Variants in CTNNA3 observed in about 807,000 individuals in gnomAD.
The protein encoded by CTNNA3 is catenin alpha 3, also known as catenin alpha-3.
Under a neutral mutation model 95.7 loss-of-function variants are expected in CTNNA3, and 76 were observed. That is an observed-to-expected ratio of 0.79 (90% confidence interval 0.66 to 0.96). The LOEUF (loss-of-function observed/expected upper bound fraction) is 0.96. Among genes scored for constraint, CTNNA3 ranks in the 40% least tolerant of loss-of-function variants. The probability of loss-of-function intolerance (pLI) is 0.00; values close to 1 mark genes in which losing one functional copy is unlikely to be tolerated. For synonymous variants in CTNNA3, 431 were observed against 374.4 expected, an observed-to-expected ratio of 1.15 and a Z score of -1.74; for missense variants, 1,191 against 1,089.8, an observed-to-expected ratio of 1.09 and a Z score of -1.31.
intron 13 of CTNNA3, among the ~76,000 whole-genome samples, chr10:66,197,336 C>CTCTATCTA (rs200815679): frequency 0.075 from 11,090 of 148,092 alleles, 453 homozygotes; most frequent in East Asian, 0.12. Flanking sequence ...CAATCCAAAT[C>CTCTATCTA]TCTATCTATC....
chr10:66,635,374 T>C (rs1239261923), intron 9 of CTNNA3, among the ~76,000 whole-genome samples: 1 of 152,096 alleles, frequency 6.6e-6, no homozygotes, highest in Non-Finnish European at 1.5e-5. Context: ...ATTAATAGGA[T>C]CATTGTGGAA....
rs1375681340 is a variant in CTNNA3 at position 66,432,657 on chromosome 10, T to A, written c.1532-53305A>T. 2.4e-5 allele frequency among the ~76,000 whole-genome samples: 3 copies of A among 123,586 alleles called. No homozygotes were observed. The Admixed American group carries it at 2.6e-4, about 11-fold the overall frequency. 81.1% of individuals were successfully genotyped at this position (123,586 alleles called of 152,430 possible). A position where few individuals can be genotyped will look rare whatever the true frequency, so the allele number is the denominator to read the frequency against. On this transcript the variant is annotated intron_variant, in intron 11 of 17. Transcript: ENST00000433211. ...GCCTGGGTGACAGAGCGAGACCATC[T>A]CACAGAAAAAAAAAAAAAAAAAGTT...
intron 1 of CTNNA3, among the ~76,000 whole-genome samples, chr10:67,658,172 T>G (rs895489148): frequency 6.6e-6 from 1 of 152,230 alleles, no homozygotes; most frequent in African/African-American, 2.4e-5. Flanking sequence ...CTCTGTTCCC[T>G]GCTCGCTGGT....
At chr10:66,159,091 A>T (rs2084703324) in intron 13 of CTNNA3, among the ~76,000 whole-genome samples, 1 of 151,972 alleles carries the variant, frequency 6.6e-6, no homozygotes, top group South Asian at 2.1e-4. Context: ...GTAAATGATC[A>T]TGTCATCAGC....
chr10:67,043,051 A>G (rs1854503163), intron 7 of CTNNA3, among the ~76,000 whole-genome samples: 1 of 152,128 alleles, frequency 6.6e-6, no homozygotes, highest in South Asian at 2.1e-4. Flanking sequence ...AGGAGGAAGC[A>G]AGTCAGGAAA....
At chr10:66,350,856 C>T (rs2092561783) in intron 12 of CTNNA3, among the ~76,000 whole-genome samples, 1 of 151,934 alleles carries the variant, frequency 6.6e-6, no homozygotes, top group Admixed American at 6.6e-5. Flanking sequence ...CAAACAAAGC[C>T]TTGTCTATCC....
chr10:66,676,776 C>T (rs1479494744), intron 9 of CTNNA3, among the ~76,000 whole-genome samples: 2 of 152,066 alleles, frequency 1.3e-5, no homozygotes, highest in African/African-American at 4.8e-5. Context: ...AAAAAGCAAG[C>T]TACAGCAAGA....
chr10:66,485,596 C>T (rs1839698160), intron 11 of CTNNA3, among the ~76,000 whole-genome samples: 1 of 151,852 alleles, frequency 6.6e-6, no homozygotes, highest in South Asian at 2.1e-4. Context: ...TTGAAAAAGA[C>T]ACAAATAAAT....
chr10:66,140,625 T>G (rs2133876755), intron 13 of CTNNA3, among the ~76,000 whole-genome samples: 1 of 152,346 alleles, frequency 6.6e-6, no homozygotes, highest in Admixed American at 6.5e-5. Context: ...TGGTCACTGT[T>G]GAACAACATA....
chr10:66,728,268 C>A (rs570298274), intron 9 of CTNNA3, among the ~76,000 whole-genome samples: 1 of 152,256 alleles, frequency 6.6e-6, no homozygotes, highest in African/African-American at 2.4e-5. Flanking sequence ...GACACTGATA[C>A]CTGTAAGACC....
At chr10:67,233,171 T>G (rs1355766595) in intron 5 of CTNNA3, among the ~76,000 whole-genome samples, 4 of 152,202 alleles carry the variant, frequency 2.6e-5, no homozygotes, top group African/African-American at 9.7e-5. Context: ...CTAATAGACA[T>G]CTACAGAACT....
intron 13 of CTNNA3, among the ~76,000 whole-genome samples, chr10:66,268,253 C>G (rs2132122060): frequency 6.6e-6 from 1 of 152,228 alleles, no homozygotes; most frequent in Non-Finnish European, 1.5e-5. Context: ...GTTCGTGTCT[C>G]CTCTCCTTTG....
At chr10:66,317,363 C>T (rs750295786) in intron 12 of CTNNA3, among the ~76,000 whole-genome samples, 3 of 151,964 alleles carry the variant, frequency 2.0e-5, no homozygotes, top group African/African-American at 7.2e-5. Flanking sequence ...ATACAGTTTT[C>T]GTAGAAATAC....
chr10:65,921,207 CA>C (rs2077081255), intron 17 of CTNNA3, among the ~76,000 whole-genome samples: 1 of 152,130 alleles, frequency 6.6e-6, no homozygotes, highest in African/African-American at 2.4e-5. Context: ...CCATTTACTA[CA>C]AAAAGGTGGA....
chr10:65,991,429 C>T (rs2078543785), intron 15 of CTNNA3, among the ~76,000 whole-genome samples: 1 of 151,648 alleles, frequency 6.6e-6, no homozygotes, highest in African/African-American at 2.4e-5. Flanking sequence ...GTGTCTTGTT[C>T]AATTTCTTCC....
At chr10:66,170,434 T>G (rs1171368804) in intron 13 of CTNNA3, among the ~76,000 whole-genome samples, 4 of 151,980 alleles carry the variant, frequency 2.6e-5, no homozygotes, top group Admixed American at 2.0e-4. Flanking sequence ...CTTTTAGAAT[T>G]TTCTTGAATA....
intron 11 of CTNNA3, among the ~76,000 whole-genome samples, chr10:66,416,954 A>C (rs2132616476): frequency 6.6e-6 from 1 of 152,190 alleles, no homozygotes; most frequent in Admixed American, 6.5e-5. Flanking sequence ...GCAATGACAG[A>C]CATTAAGAGG....
chr10:67,580,540 G>A lies in CTNNA3; in HGVS notation c.292+26317C>T, dbSNP rs527578339. ...GGCTTAGGATTGTCTTGGCGATGCG[G>A]GCTCTTTTTTGGTTCCATATGAACT... On this transcript the variant is annotated intron_variant, in intron 3 of 17. Transcript: ENST00000433211. Among the ~76,000 whole-genome samples the A allele has an allele frequency of 1.3e-4, 20 of 151,680 alleles. No homozygotes were observed. In the South Asian group the frequency reaches 4.0e-3, roughly 30 times the overall value.
At chr10:65,946,649 A>C (rs950812588) in intron 17 of CTNNA3, among the ~76,000 whole-genome samples, 3 of 152,154 alleles carry the variant, frequency 2.0e-5, no homozygotes, top group Non-Finnish European at 4.4e-5. Context: ...TTTATTATTT[A>C]GTGCAAATTT....
Sources: gnomAD v4.1 joint callset for allele counts (sites outside exome capture counted in the v4.1 genomes callset) on GRCh38, gnomAD v4.1.1 for gene constraint, MANE v1.5 for transcripts, NCBI Gene and HGNC (gene_info 2026-07-23, HGNC 2026-07-21) for gene names.